Variants in SLC9C1 observed in about 807,000 individuals in gnomAD.
SLC9C1 encodes the protein solute carrier family 9 member C1, also known as sodium/hydrogen exchanger 10.
SLC9C1 carries 97 observed loss-of-function variants against 140.9 expected under a neutral mutation model. The ratio of observed to expected loss-of-function variants is 0.69; its 90% CI spans 0.58 to 0.82. The LOEUF (loss-of-function observed/expected upper bound fraction) is 0.82, where lower values mean the gene tolerates loss of function less well. SLC9C1 is among the 40% of genes least tolerant of loss of function. The pLI is 0.00. For synonymous variants in SLC9C1, 440 were observed against 442.6 expected (o/e 0.99, Z 0.07); for missense variants, 1,340 against 1,389.3 (o/e 0.96, Z 0.56).
At chr3:112,194,037 A>G (rs1243586554) in intron 20 of SLC9C1, among the ~76,000 whole-genome samples, 1 of 152,112 alleles carries the variant, frequency 6.6e-6, no homozygotes, top group East Asian at 1.9e-4. Flanking sequence ...TACACTCCAC[A>G]AATGGCTCTG....
intron 12 of SLC9C1, among the ~76,000 whole-genome samples, chr3:112,233,696 G>A (rs1281238938): frequency 7.0e-6 from 1 of 143,346 alleles, no homozygotes; most frequent in Admixed American, 7.9e-5. Context: ...TGTTCTCATT[G>A]TTCAATTCCC....
At chr3:112,240,829 G>A (rs1478465282) in intron 11 of SLC9C1, among the ~76,000 whole-genome samples, 1 of 152,204 alleles carries the variant, frequency 6.6e-6, no homozygotes, top group African/African-American at 2.4e-5. Context: ...AGCACCTGTT[G>A]TGTTTTCTGA....
At chr3:112,255,154 C>T (rs372910567) in intron 10 of SLC9C1, among the ~76,000 whole-genome samples, 85 of 152,202 alleles carry the variant, frequency 5.6e-4, no homozygotes, top group African/African-American at 1.6e-3. Flanking sequence ...TCACACTCCA[C>T]GGACAGTAGC....
intron 10 of SLC9C1, among the ~76,000 whole-genome samples, chr3:112,260,552 G>A (rs1381789436): frequency 1.3e-5 from 2 of 152,028 alleles, no homozygotes; most frequent in African/African-American, 2.4e-5. Context: ...TGATTACATT[G>A]TCTTCCTGTA....
intron 11 of SLC9C1, among the ~76,000 whole-genome samples, chr3:112,240,761 C>G (rs1492478): frequency 0.29 from 44,737 of 152,094 alleles, 6,762 homozygotes; most frequent in East Asian, 0.35. Flanking sequence ...AGATTCCAAT[C>G]TCTTGAGCTA....
chr3:112,293,821 A>C (rs1306252099), intron 1 of SLC9C1, among the ~76,000 whole-genome samples: 2 of 152,206 alleles, frequency 1.3e-5, no homozygotes, highest in Non-Finnish European at 2.9e-5. Flanking sequence ...AACACATGCC[A>C]CTGGATAGTT....
chr3:112,167,512 T>G (rs1458567785), intron 25 of SLC9C1, among the ~76,000 whole-genome samples, 165 bp from the exon 26 acceptor site: 2 of 152,098 alleles, frequency 1.3e-5, no homozygotes, highest in Non-Finnish European at 2.9e-5. Context: ...TTGGATATAT[T>G]GGTTTTGTAA....
intron 6 of SLC9C1, among the ~76,000 whole-genome samples, chr3:112,274,476 C>A (rs1214371184): frequency 6.6e-6 from 1 of 152,146 alleles, no homozygotes; most frequent in Non-Finnish European, 1.5e-5. Context: ...CATACTTCCT[C>A]CCTTATTTGA....
In SLC9C1 at chr3:112,147,602, A is replaced by G. The variant is rs926425436; in HGVS notation, c.3524+4255T>C. 24 of 340,920 alleles carry G rather than the reference A, an allele frequency of 7.0e-5. No individual in the cohort carries two copies. The Admixed American group carries it at 9.4e-4, about 13-fold the overall frequency. 21.1% of individuals were successfully genotyped at this position (340,920 alleles called of 1,614,324 possible). ...TTTTCTTTCTTTCAGAAAGATGAAT[A>G]TAGATCCCCAGTCTCTCCTGGCTTG... On this transcript the variant is annotated intron_variant, in intron 28 of 28. Transcript: ENST00000305815.
chr3:112,229,453 T>A (rs1037264159), intron 13 of SLC9C1, among the ~76,000 whole-genome samples: 5 of 152,082 alleles, frequency 3.3e-5, no homozygotes, highest in African/African-American at 1.2e-4. Context: ...TAAATATGTA[T>A]AATTATATGT....
chr3:112,280,699 C>T lies in SLC9C1; in HGVS notation c.173G>A (p.Ser58Asn), dbSNP rs1436594854. ...FLLGCSFEVL[S>N]FTSSQVQRYA... is the part of the protein sequence containing the mutation. ...AATACACACCTGTGAAGATGTAAAGCTTAATACTTCAAAACTGCATCCAAG... is the reference window on the plus strand; with the variant it reads ...AATACACACCTGTGAAGATGTAAAGTTTAATACTTCAAAACTGCATCCAAG... The change falls in exon 3 of 29, where the codon AGC (serine) becomes AAC (asparagine). Residue 58 changes from serine to asparagine, a missense_variant. Coordinates refer to ENST00000305815, the MANE Select transcript of SLC9C1 (RefSeq NM_183061.3). 1 of 1,610,194 alleles carries T rather than the reference C, an allele frequency of 6.2e-7. No homozygotes were observed. The highest frequency in any genetic ancestry group is 1.7e-5 in the Admixed American group (1 of 59,008).
intron 26 of SLC9C1, among the ~76,000 whole-genome samples, chr3:112,156,075 C>T (rs1207971264): frequency 6.6e-6 from 1 of 151,884 alleles, no homozygotes; most frequent in African/African-American, 2.4e-5. Flanking sequence ...CTATGATTAC[C>T]GTACTATTGA....
At chr3:112,183,344 C>CTTTTTTTTTTTTTT (rs1159788975) in intron 20 of SLC9C1, among the ~76,000 whole-genome samples, 3 of 20,954 alleles carry the variant, frequency 1.4e-4, no homozygotes, top group Non-Finnish European at 2.4e-4. Flanking sequence ...TATTTAGCAC[C>CTTTTTTTTTTTTTT]TTTTCTTTTT....
rs576360898 is a variant in SLC9C1 at position 112,174,671 on chromosome 3, G to A, written c.2919+4860C>T. ...CACCTCCATATGGTGGCTGCCATGT[G>A]CTGGAGGTGCCAGCATAATGACTAG... On this transcript the variant is annotated intron_variant, in intron 23 of 28. Transcript: ENST00000305815. Among the ~76,000 whole-genome samples, 4 of 152,294 alleles carry A rather than the reference G, an allele frequency of 2.6e-5. No individual in the cohort carries two copies. The South Asian group carries it at 8.3e-4, about 32-fold the overall frequency.
chr3:112,142,027 T>A (rs2074641094), intron 28 of SLC9C1, among the ~76,000 whole-genome samples: 1 of 152,204 alleles, frequency 6.6e-6, no homozygotes, highest in South Asian at 2.1e-4. Context: ...TCATTAGAAG[T>A]AGTAGTGCCT....
chr3:112,232,352 A>G (rs896345040), intron 12 of SLC9C1, among the ~76,000 whole-genome samples: 1 of 152,200 alleles, frequency 6.6e-6, no homozygotes, highest in African/African-American at 2.4e-5. Flanking sequence ...TGAAAACTCA[A>G]TCAATATTTT....
intron 1 of SLC9C1, among the ~76,000 whole-genome samples, chr3:112,293,112 CAAA>C (rs58937356): frequency 0.28 from 36,493 of 128,958 alleles, 5,006 homozygotes; most frequent in East Asian, 0.42. Flanking sequence ...ACTAAAAATA[CAAA>C]AAAAAAAAAA....
chr3:112,244,101 A>G, intron 10 of SLC9C1, 25 bp from the exon 11 acceptor site: 1 of 1,447,864 alleles, frequency 6.9e-7, no homozygotes, highest in South Asian at 1.2e-5. Context: ...AATACAAAGT[A>G]AGTATTCATG....
chr3:112,218,145 G>A (rs1437784585), intron 14 of SLC9C1, among the ~76,000 whole-genome samples: 1 of 149,198 alleles, frequency 6.7e-6, no homozygotes, highest in African/African-American at 2.5e-5. Flanking sequence ...GGTAGCACTT[G>A]TCCCAAGTTT....
Sources: gnomAD v4.1 joint callset for allele counts (sites outside exome capture counted in the v4.1 genomes callset) on GRCh38, gnomAD v4.1.1 for gene constraint, MANE v1.5 for transcripts, NCBI Gene and HGNC (gene_info 2026-07-23, HGNC 2026-07-21) for gene names.